KLF9: variants seen among roughly 807,000 people sequenced by gnomAD.
KLF9 encodes the protein Krueppel-like factor 9.
In KLF9, 2 loss-of-function variants were observed where a neutral mutation model predicts 17.3. The ratio of observed to expected loss-of-function variants is 0.12; its 90% confidence interval spans 0.05 to 0.36. KLF9 has a LOEUF of 0.36. KLF9 is among the 10% of genes least tolerant of loss of function. The probability of loss-of-function intolerance (pLI) is 1.00; values close to 1 mark genes in which losing one functional copy is unlikely to be tolerated. For synonymous variants in KLF9, 138 were observed against 139.2 expected, an observed-to-expected ratio of 0.99 and a Z score of 0.06; for missense variants, 226 against 333.2, an observed-to-expected ratio of 0.68 and a Z score of 2.51.
At chr9:70,389,276 A>G (rs2037136690) in intron 1 of KLF9, among the ~76,000 whole-genome samples, 1 of 152,196 alleles carries the variant, frequency 6.6e-6, no homozygotes, top group Non-Finnish European at 1.5e-5. Flanking sequence ...ATTCCTCATA[A>G]AAGATGAACT....
chr9:70,412,822 A>AC, intron 1 of KLF9, 37 bp downstream of exon 1: 2 of 1,522,890 alleles, frequency 1.3e-6, no homozygotes, highest in Non-Finnish European at 1.8e-6. Flanking sequence ...AGGTTAACTA[A>AC]CCCCAGAGCT....
intron 1 of KLF9, among the ~76,000 whole-genome samples, chr9:70,412,280 G>T (rs77459815): frequency 6.8e-6 from 1 of 146,064 alleles, no homozygotes; most frequent in Non-Finnish European, 1.5e-5. Context: ...TACTTGATCA[G>T]ACTCCTATGC....
At position 70,413,520 on chromosome 9, in the gene KLF9, G is replaced by A; in HGVS notation, c.-157C>T. ...GGCGCGGGGCGCTTCCGACTCGCAG[G>A]AGCGCCGAGGCGACCTCAGCCCCTC... On this transcript the variant is annotated 5_prime_UTR_variant, in exon 1 of 2. Coordinates refer to ENST00000377126, the MANE Select transcript of KLF9 (RefSeq NM_001206.4). The surrounding 1 kb of genome is among the most constrained non-coding windows in gnomAD (Gnocchi z 5.6). The A allele has an allele frequency of 1.2e-5, 8 of 678,920 alleles. No homozygotes were observed. Among genetic ancestry groups the A allele is most frequent in the Non-Finnish European group, 1.2e-5 (6 of 501,060 alleles). 42.1% of individuals were successfully genotyped at this position (678,920 alleles called of 1,614,324 possible).
chr9:70,400,733 A>G (rs1379101975), intron 1 of KLF9, among the ~76,000 whole-genome samples: 2 of 152,114 alleles, frequency 1.3e-5, no homozygotes, highest in Admixed American at 1.3e-4. Flanking sequence ...TGCACACTGT[A>G]TGCACACCAC....
At chr9:70,388,281 T>C (rs117615588) in intron 1 of KLF9, among the ~76,000 whole-genome samples, 295 of 152,064 alleles carry the variant, frequency 1.9e-3, no homozygotes, top group Middle Eastern at 3.4e-3. Flanking sequence ...TAAGAGGAGA[T>C]GAGGACACAG....
intron 1 of KLF9, among the ~76,000 whole-genome samples, chr9:70,405,750 G>A (rs2037251313): frequency 6.6e-6 from 1 of 152,026 alleles, no homozygotes; most frequent in Non-Finnish European, 1.5e-5. Flanking sequence ...AAGGTCCCAT[G>A]TATTTAAAAA....
chr9:70,406,121 G>T (rs1426035006), intron 1 of KLF9, among the ~76,000 whole-genome samples: 2 of 152,108 alleles, frequency 1.3e-5, no homozygotes, highest in Admixed American at 6.5e-5. Flanking sequence ...GAGAGCAAGT[G>T]GGGGGAAAGA....
intron 1 of KLF9, among the ~76,000 whole-genome samples, chr9:70,389,992 C>T (rs745519696): frequency 3.3e-5 from 5 of 152,190 alleles, no homozygotes; most frequent in African/African-American, 4.8e-5. Context: ...TGGGAGCTGT[C>T]CAGCGTGGTG....
rs1375568133 is a variant in KLF9, at chr9:70,413,497, C to G, written c.-134G>C. On this transcript the variant is annotated 5_prime_UTR_variant, in exon 1 of 2. Transcript: ENST00000377126. This position sits in a 1 kb window ranked among gnomAD's most constrained non-coding sequence, Gnocchi z 5.6. The stretch of plus-strand genomic sequence containing the variant: ...GGCGCGGCGGCCAAGGGGGCGGGGG[C>G]GCGGGGCGCTTCCGACTCGCAGGAG... The G allele has an allele frequency of 1.0e-6, 1 of 971,824 alleles. No homozygotes were observed. Among genetic ancestry groups the G allele is most frequent in the Non-Finnish European group, 1.3e-6 (1 of 764,330 alleles). 60.2% of individuals were successfully genotyped at this position (971,824 alleles called of 1,614,324 possible).
intron 1 of KLF9, among the ~76,000 whole-genome samples, chr9:70,409,476 C>G (rs1564089529): frequency 6.6e-6 from 1 of 151,836 alleles, no homozygotes. Flanking sequence ...GACTTCCGAG[C>G]TGGAATTAGA....
intron 1 of KLF9, among the ~76,000 whole-genome samples, chr9:70,391,688 A>G (rs1258100541): frequency 6.6e-6 from 1 of 152,198 alleles, no homozygotes; most frequent in Non-Finnish European, 1.5e-5. Flanking sequence ...TTGGTCAGTG[A>G]TCTAAATCAG....
chr9:70,392,077 A>C (rs538730088), intron 1 of KLF9, among the ~76,000 whole-genome samples: 1 of 152,328 alleles, frequency 6.6e-6, no homozygotes, highest in Admixed American at 6.5e-5. Flanking sequence ...AATCCCAGCT[A>C]CTGGGGATGA....
chr9:70,407,232 G>A (rs1048363421), intron 1 of KLF9, among the ~76,000 whole-genome samples: 3 of 152,170 alleles, frequency 2.0e-5, no homozygotes, highest in Non-Finnish European at 2.9e-5. Flanking sequence ...TAGTCCTTGG[G>A]ATAAGCGTCA....
At chr9:70,406,784 A>AAAAGGTG (rs1163710583) in intron 1 of KLF9, among the ~76,000 whole-genome samples, 3 of 151,910 alleles carry the variant, frequency 2.0e-5, no homozygotes, top group East Asian at 3.9e-4. Context: ...AAACATTAGG[A>AAAAGGTG]AAAGGTGGGA....
chr9:70,388,563 A>AT (rs139527800), intron 1 of KLF9, among the ~76,000 whole-genome samples: 45 of 152,200 alleles, frequency 3.0e-4, no homozygotes, highest in Non-Finnish European at 5.9e-4. Context: ...CCTGGAAAGT[A>AT]TTTTTTCTGT....
chr9:70,403,511 G>A (rs1030070335), intron 1 of KLF9, among the ~76,000 whole-genome samples: 4 of 152,064 alleles, frequency 2.6e-5, no homozygotes, highest in African/African-American at 7.2e-5. Context: ...CTGGAACTGC[G>A]GGCAGCCATC....
In KLF9 at chr9:70,412,902, A is replaced by G. The variant is rs202126504; in HGVS notation, c.462T>C (p.Tyr154=). The G allele has an allele frequency of 6.2e-6, 10 of 1,611,104 alleles. No individual in the cohort carries two copies. The highest frequency in any genetic ancestry group is 8.5e-6 in the Non-Finnish European group (10 of 1,178,560). The stretch of plus-strand genomic sequence containing the variant: ...GGGCTTTGAGATGGGAGGATTTTCC[A>G]TAGACTTTCCCACAGCCACTGTAGG... ...KCPYSGCGKV[Y]GKSSHLKAHY... is the part of the protein sequence containing the mutation. The change falls in exon 1 of 2, where the codon TAT becomes TAC. Residue 154 remains tyrosine (Y), a synonymous_variant. Transcript: ENST00000377126.
At chr9:70,390,309 A>T (rs2037144952) in intron 1 of KLF9, among the ~76,000 whole-genome samples, 1 of 152,156 alleles carries the variant, frequency 6.6e-6, no homozygotes, top group African/African-American at 2.4e-5. Flanking sequence ...GGCAATAGCA[A>T]ACCAATGAAT....
In KLF9 at chr9:70,387,821, G is replaced by A. The variant is rs1273706990; in HGVS notation, c.690C>T (p.Pro230=). The change falls in exon 2 of 2, where the codon CCC becomes CCT. Residue 230 remains proline (P), a synonymous_variant. Transcript: ENST00000377126. ...KHARRHTEFH[P]SMIKRSKKAL... The stretch of plus-strand genomic sequence containing the variant: ...CCTTTTTCGATCGCTTGATCATGCT[G>A]GGGTGGAACTCGGTGTGCCGCCGGG... The A allele has an allele frequency of 5.6e-6, 9 of 1,613,942 alleles. No individual in the cohort carries two copies. The highest frequency in any genetic ancestry group is 7.6e-6 in the Non-Finnish European group (9 of 1,180,020).
Sources: allele counts gnomAD v4.1 joint callset (sites outside exome capture counted in the v4.1 genomes callset), GRCh38; gene constraint gnomAD v4.1.1; non-coding constraint Gnocchi (gnomAD v3.1); transcripts MANE v1.5; gene names NCBI Gene and HGNC (gene_info 2026-07-23, HGNC 2026-07-21).